Variants in SANBR observed in about 807,000 individuals in gnomAD.
SANBR encodes the protein SANT and BTB domain regulator of CSR, also known as SANT and BTB domain regulator of class switch recombination.
SANBR carries 77 observed loss-of-function variants against 101.8 expected under a neutral mutation model. The ratio of observed to expected loss-of-function variants is 0.76; its 90% CI spans 0.63 to 0.91. The LOEUF (loss-of-function observed/expected upper bound fraction) is 0.91, where lower values mean the gene tolerates loss of function less well. SANBR is among the 40% of genes least tolerant of loss of function. The pLI is 0.00. For missense variants in SANBR, 875 were observed against 853.0 expected (o/e 1.03, Z -0.32); for synonymous variants, 279 against 274.7 (o/e 1.02, Z -0.15).
Position 61,121,822 on chromosome 2 carries a change from A to C in SANBR, c.2121-304A>C, listed in dbSNP as rs535468985. On this transcript the variant is annotated intron_variant, in intron 21 of 21. Coordinates refer to ENST00000402291, the MANE Select transcript of SANBR (RefSeq NM_001129993.3). ...GAAAGTGTTTTCATACATTTGTAGC[A>C]ATTCAAACTTGCACTGAGCTGCTGT... 5.9e-5 allele frequency among the ~76,000 whole-genome samples: 9 copies of C among 152,324 alleles called. 1 individual carries two copies. The highest frequency in any genetic ancestry group is 3.4e-3 in the Middle Eastern group (1 of 294).
rs562788844 is a variant in SANBR, at chr2:61,094,908, G to A, written c.1212+2321G>A. 4.5e-3 allele frequency among the ~76,000 whole-genome samples: 689 copies of A among 152,310 alleles called. 8 individuals carry two copies. The highest frequency in any genetic ancestry group is 6.9e-3 in the Non-Finnish European group (467 of 68,026). On this transcript the variant is annotated intron_variant, in intron 11 of 21. Transcript: ENST00000402291. ...GATCCGCCTGCCTTGGCCTCCCAAA[G>A]TGCTGGGATTATAGGCCTGAGCCAC...
chr2:61,113,175 G>T (rs936244538), intron 16 of SANBR, among the ~76,000 whole-genome samples: 2 of 152,096 alleles, frequency 1.3e-5, no homozygotes, highest in East Asian at 3.9e-4. Flanking sequence ...TTCTTCCATT[G>T]ATTCTTATGT....
chr2:61,128,715 A>G (rs1417053657), downstream of SANBR, among the ~76,000 whole-genome samples: 2 of 152,210 alleles, frequency 1.3e-5, no homozygotes, highest in Non-Finnish European at 1.5e-5. Flanking sequence ...GCTCATCTCA[A>G]ACTCCTGACC....
chr2:61,101,559 C>T (rs1683284533), intron 12 of SANBR, among the ~76,000 whole-genome samples: 1 of 150,196 alleles, frequency 6.7e-6, no homozygotes, highest in Admixed American at 6.7e-5. Context: ...CGCTGAAACG[C>T]CTTCTCTACT....
downstream of SANBR, among the ~76,000 whole-genome samples, chr2:61,128,123 T>A (rs1684568831): frequency 6.6e-6 from 1 of 151,756 alleles, no homozygotes; most frequent in Non-Finnish European, 1.5e-5. Context: ...ATACAAAAAA[T>A]TAGCCGGGCA....
At chr2:61,076,495 G>T (rs1681786043) in intron 5 of SANBR, among the ~76,000 whole-genome samples, 1 of 149,310 alleles carries the variant, frequency 6.7e-6, no homozygotes, top group Non-Finnish European at 1.5e-5. Context: ...GGGCGCCATG[G>T]TGGGCGCCTG....
chr2:61,073,617 G>A (rs1681599782), intron 5 of SANBR, 66 bp downstream of exon 5: 1 of 886,568 alleles, frequency 1.1e-6, no homozygotes, highest in Admixed American at 2.5e-5. Flanking sequence ...ATATATGATT[G>A]GTGGTTACCA....
intron 3 of SANBR, among the ~76,000 whole-genome samples, chr2:61,070,987 G>T (rs1439227351): frequency 1.3e-5 from 2 of 151,392 alleles, no homozygotes; most frequent in Non-Finnish European, 2.9e-5. Context: ...CTCCCAAAGT[G>T]CTGAGATTAC....
chr2:61,127,867 T>A (rs1426162384), downstream of SANBR, among the ~76,000 whole-genome samples: 1 of 152,058 alleles, frequency 6.6e-6, no homozygotes, highest in Non-Finnish European at 1.5e-5. Context: ...ACTTTATACA[T>A]CCAAGAAGCT....
chr2:61,104,048 C>T (rs772963797), intron 13 of SANBR, 50 bp downstream of exon 13: 2 of 1,542,176 alleles, frequency 1.3e-6, no homozygotes, highest in Admixed American at 3.6e-5. Context: ...TTCAGCAGTT[C>T]CCATTTCAGA....
chr2:61,132,227 T>G (rs941742335), intron 20 of SANBR, among the ~76,000 whole-genome samples: 3 of 152,202 alleles, frequency 2.0e-5, no homozygotes, highest in Non-Finnish European at 4.4e-5. Context: ...AGTGAAAAGA[T>G]AGCTTACAGA....
In SANBR at chr2:61,109,295, A is replaced by G; in HGVS notation, c.1743A>G (p.Gln581=). The G allele has an allele frequency of 6.5e-7, 1 of 1,527,680 alleles. No individual in the cohort carries two copies. The allele number at this position is 1,527,680 out of a possible 1,614,324, so 94.6% of individuals were successfully genotyped here. The change falls in exon 16 of 22, where the codon CAA becomes CAG. Residue 581 remains glutamine (Q), a splice_region_variant and synonymous_variant. Transcript: ENST00000402291. The part of the protein sequence containing the change: ...VGDEEEVSKK[Q]RKKEKPKKFT... The stretch of plus-strand genomic sequence containing the variant: ...ATGAAGAAGAAGTATCCAAGAAACA[A>G]AGTATTGGTTTATAAGTTAAAATCA...
At chr2:61,117,220 TAAATG>T (rs959836246) in intron 17 of SANBR, 132 bp from the exon 18 acceptor site, 25 of 795,222 alleles carry the variant, frequency 3.1e-5, no homozygotes, top group Admixed American at 1.5e-4. Flanking sequence ...GTGCAAGGTT[TAAATG>T]AAATAGCACT....
At chr2:61,092,790 C>T (rs915502023) in intron 11 of SANBR, among the ~76,000 whole-genome samples, 5 of 152,070 alleles carry the variant, frequency 3.3e-5, no homozygotes, top group African/African-American at 1.2e-4. Context: ...CGTTTTAGCC[C>T]AGGAGTTCAA....
chr2:61,080,009 C>A (rs1210617130), intron 6 of SANBR, among the ~76,000 whole-genome samples: 1 of 151,326 alleles, frequency 6.6e-6, no homozygotes, highest in African/African-American at 2.4e-5. Context: ...CTAGCCTGGC[C>A]AACATGTTGA....
downstream of SANBR, among the ~76,000 whole-genome samples, chr2:61,127,721 T>C (rs1235256587): frequency 6.6e-6 from 1 of 151,910 alleles, no homozygotes; most frequent in Non-Finnish European, 1.5e-5. Flanking sequence ...GAACAGAGCC[T>C]CAGAAAAATA....
At chr2:61,113,609 A>G (rs895060323) in intron 16 of SANBR, among the ~76,000 whole-genome samples, 5 of 152,162 alleles carry the variant, frequency 3.3e-5, no homozygotes, top group Non-Finnish European at 7.3e-5. Flanking sequence ...CCGGTTGCTC[A>G]TTGATGGTAA....
intron 1 of SANBR, among the ~76,000 whole-genome samples, chr2:61,067,031 A>C (rs919316041): frequency 6.6e-6 from 1 of 152,248 alleles, no homozygotes; most frequent in South Asian, 2.1e-4. Flanking sequence ...TGATAAATTT[A>C]TACTTTCCTG....
Position 61,071,797 on chromosome 2 carries a change from G to T in SANBR, c.337+5G>T. On this transcript the variant is annotated splice_donor_5th_base_variant and intron_variant, in intron 4 of 21. Transcript: ENST00000402291. The stretch of plus-strand genomic sequence containing the variant: ...ATGATGCAGTTTCCAAAACTGGTAA[G>T]GTTTTAAACTAAAATGTAGTACTTG... The T allele has an allele frequency of 6.4e-7, 1 of 1,570,830 alleles. No homozygotes were observed. The highest frequency in any genetic ancestry group is 8.7e-7 in the Non-Finnish European group (1 of 1,156,044).
Sources: gnomAD v4.1 joint callset for allele counts (sites outside exome capture counted in the v4.1 genomes callset) on GRCh38, gnomAD v4.1.1 for gene constraint, MANE v1.5 for transcripts, NCBI Gene and HGNC (gene_info 2026-07-23, HGNC 2026-07-21) for gene names.